RANBP2: variants seen among roughly 807,000 people sequenced by gnomAD.
The protein encoded by RANBP2 is E3 SUMO-protein ligase RanBP2.
RANBP2 carries 57 observed loss-of-function variants against 303.6 expected under a neutral mutation model. The observed-to-expected ratio is 0.19, with a 90% CI of 0.15 to 0.23. RANBP2 has a LOEUF of 0.23. RANBP2 is among the 10% of genes least tolerant of loss of function. RANBP2 has a pLI of 1.00. For missense variants in RANBP2, 3,138 were observed against 3,780.8 expected (o/e 0.83, Z 4.46); for synonymous variants, 1,167 against 1,301.5 (o/e 0.90, Z 2.23).
the RANBP2 span, among the ~76,000 whole-genome samples, chr2:108,809,699 A>C: frequency 2.2e-4 from 33 of 152,150 alleles, no homozygotes; most frequent in Non-Finnish European, 3.7e-4. Context: ...AACTTTACCA[A>C]ATTTATCAGT....
At chr2:109,272,847 C>G in the RANBP2 span, among the ~76,000 whole-genome samples, 1 of 152,168 alleles carries the variant, frequency 6.6e-6, no homozygotes, top group Admixed American at 6.5e-5. Context: ...GGTTCCCGGA[C>G]TGGTGTTCTG....
the RANBP2 span, among the ~76,000 whole-genome samples, chr2:109,651,408 T>C: frequency 6.6e-5 from 10 of 152,156 alleles, no homozygotes; most frequent in African/African-American, 2.4e-4. Flanking sequence ...TCCTGCTGCA[T>C]TGCTCTCCCA....
the RANBP2 span, among the ~76,000 whole-genome samples, chr2:109,486,133 C>T: frequency 2.6e-5 from 4 of 152,236 alleles, no homozygotes; most frequent in Non-Finnish European, 5.9e-5. Context: ...AAGGAGCTGA[C>T]CCCTTCTCTG....
chr2:108,997,440 C>CAAAAA, the RANBP2 span, among the ~76,000 whole-genome samples: 9,239 of 49,864 alleles, frequency 0.19, 3,156 homozygotes, highest in Non-Finnish European at 0.21. Context: ...GACTCTGTCT[C>CAAAAA]AAAAAAAAAA....
chr2:109,689,384 C>A, the RANBP2 span, among the ~76,000 whole-genome samples: 1 of 152,020 alleles, frequency 6.6e-6, no homozygotes, highest in Non-Finnish European at 1.5e-5. Context: ...TTCCATAGGC[C>A]TCCTAGATGG....
the RANBP2 span, among the ~76,000 whole-genome samples, chr2:108,821,191 C>T: frequency 6.6e-6 from 1 of 152,068 alleles, no homozygotes; most frequent in Non-Finnish European, 1.5e-5. Context: ...AACCCCATCT[C>T]TACTAAAAGT....
chr2:109,022,047 G>A, the RANBP2 span, among the ~76,000 whole-genome samples: 2 of 152,174 alleles, frequency 1.3e-5, no homozygotes, highest in South Asian at 2.1e-4. Flanking sequence ...TCTGGAAAAC[G>A]TGCCTCAGAG....
chr2:108,725,663 A>G (rs1015403888), intron 1 of RANBP2, among the ~76,000 whole-genome samples: 13 of 151,958 alleles, frequency 8.6e-5, no homozygotes, highest in Non-Finnish European at 4.4e-5. Flanking sequence ...CCCGGGAGGC[A>G]GAGGTTGCAG....
chr2:109,383,907 T>G, the RANBP2 span, among the ~76,000 whole-genome samples: 1 of 152,210 alleles, frequency 6.6e-6, no homozygotes, highest in South Asian at 2.1e-4. Flanking sequence ...ACCACCCCGC[T>G]GAGTCTCCAG....
At chr2:108,742,431 G>A (rs1696186583) in intron 7 of RANBP2, among the ~76,000 whole-genome samples, 1 of 152,070 alleles carries the variant, frequency 6.6e-6, no homozygotes, top group Non-Finnish European at 1.5e-5. Context: ...AGCCTGTCAC[G>A]TATCTGGGAT....
the RANBP2 span, chr2:108,910,336 C>T: frequency 1.2e-5 from 9 of 769,748 alleles, no homozygotes; most frequent in Middle Eastern, 3.5e-4. Flanking sequence ...GACTGTCTGT[C>T]GCCGAACGTC....
chr2:109,357,520 C>T, the RANBP2 span, among the ~76,000 whole-genome samples: 2 of 152,206 alleles, frequency 1.3e-5, no homozygotes, highest in African/African-American at 2.4e-5. Context: ...ATGATGGATA[C>T]TGGGGCTCCT....
the RANBP2 span, among the ~76,000 whole-genome samples, chr2:109,044,836 G>A: frequency 1.3e-5 from 2 of 152,146 alleles, no homozygotes; most frequent in African/African-American, 2.4e-5. Flanking sequence ...CTGAAAAGCA[G>A]GGCTTTAATG....
the RANBP2 span, among the ~76,000 whole-genome samples, chr2:109,571,755 C>T: frequency 6.6e-6 from 1 of 152,262 alleles, no homozygotes; most frequent in South Asian, 2.1e-4. Context: ...TAGGAAGCAT[C>T]TAGAACTAGT....
the RANBP2 span, among the ~76,000 whole-genome samples, chr2:109,132,347 A>G: frequency 6.6e-6 from 1 of 152,160 alleles, no homozygotes; most frequent in Non-Finnish European, 1.5e-5. Flanking sequence ...TTTAAAAAAA[A>G]GTTTTAATTT....
At chr2:108,929,512 G>C in the RANBP2 span, 15,531 of 980,302 alleles carry the variant, frequency 0.016, 252 homozygotes, top group African/African-American at 0.066. Flanking sequence ...GGTTTCCTGA[G>C]TTGTCCTAAC....
At chr2:109,365,388 G>T in the RANBP2 span, among the ~76,000 whole-genome samples, 2,761 of 152,304 alleles carry the variant, frequency 0.018, 80 homozygotes, top group African/African-American at 0.057. Flanking sequence ...TTCCCACGGA[G>T]GCTGCTGCTT....
the RANBP2 span, chr2:109,129,857 A>G: frequency 6.5e-7 from 1 of 1,527,564 alleles, no homozygotes; most frequent in Non-Finnish European, 8.8e-7. Context: ...TGCGGCGTGG[A>G]CGAACTGCCC....
At chr2:109,668,822 A>G in the RANBP2 span, among the ~76,000 whole-genome samples, 1 of 152,236 alleles carries the variant, frequency 6.6e-6, no homozygotes, top group Non-Finnish European at 1.5e-5. Flanking sequence ...GAGCAGGCAC[A>G]TGGAACAATT....
Sources: gnomAD v4.1 joint callset for allele counts (sites outside exome capture counted in the v4.1 genomes callset) on GRCh38, gnomAD v4.1.1 for gene constraint, MANE v1.5 for transcripts, NCBI Gene and HGNC (gene_info 2026-07-23, HGNC 2026-07-21) for gene names.